The following ABHD6 variants were observed in gnomAD, a reference collection of about 807,000 sequenced individuals.
ABHD6 encodes monoacylglycerol lipase ABHD6.
Under a neutral mutation model 38.8 loss-of-function variants are expected in ABHD6, and 33 were observed. The observed-to-expected ratio is 0.85, with a 90% confidence interval of 0.64 to 1.14. The LOEUF is 1.14. ABHD6 is among the 50% of genes most tolerant of loss of function. The probability of loss-of-function intolerance (pLI) is 0.00; values close to 1 mark genes in which losing one functional copy is unlikely to be tolerated. For missense variants in ABHD6, 380 were observed against 422.6 expected, an observed-to-expected ratio of 0.90 and a Z score of 0.88; for synonymous variants, 147 against 161.6, an observed-to-expected ratio of 0.91 and a Z score of 0.69.
intron 9 of ABHD6, among the ~76,000 whole-genome samples, chr3:58,290,744 C>T (rs1158173343): frequency 1.3e-5 from 2 of 149,302 alleles, no homozygotes; most frequent in African/African-American, 5.0e-5. Context: ...CCAGACGGGC[C>T]GGCGGGGCAA....
chr3:58,281,471 G>A (rs2097453177), intron 7 of ABHD6, among the ~76,000 whole-genome samples: 1 of 152,192 alleles, frequency 6.6e-6, no homozygotes, highest in Non-Finnish European at 1.5e-5. Context: ...ATTTGGGCAG[G>A]AGTGTCCCAG....
rs1327222091 is a variant in ABHD6, at chr3:58,293,223, T to C, written c.838-366T>C. Among the ~76,000 whole-genome samples, 1 of 152,152 alleles carries C rather than the reference T, an allele frequency of 6.6e-6. No individual in the cohort carries two copies. The highest frequency in any genetic ancestry group is 1.5e-5 in the Non-Finnish European group (1 of 68,028). On this transcript the variant is annotated intron_variant, in intron 9 of 9. Coordinates refer to ENST00000478253, the MANE Select transcript of ABHD6 (RefSeq NM_001320126.2). The surrounding 1 kb of genome is among the most constrained non-coding windows in gnomAD (Gnocchi z 4.4). Reference sequence around the variant, plus strand: ...CCCACATCCGTGAATGCTCCTCCCCTGTCCCCTTTCTGCTCTCCCGGGACT... The same window carrying C: ...CCCACATCCGTGAATGCTCCTCCCCCGTCCCCTTTCTGCTCTCCCGGGACT...
rs1480391523 is a variant in ABHD6 at position 58,256,102 on chromosome 3, CACACACAT to C, written c.-25-452_-25-445del. On this transcript the variant is annotated intron_variant, in intron 2 of 9. Transcript: ENST00000478253. The surrounding 1 kb of genome is among the most constrained non-coding windows in gnomAD (Gnocchi z 4.3). ...ACACACACACACACACACACACACACACACACATACACACACTACTTTTTCTCTCCTGA... is the reference window on the plus strand; with the variant it reads ...ACACACACACACACACACACACACACACACACACTACTTTTTCTCTCCTGA... Among the ~76,000 whole-genome samples, 43 of 104,262 alleles carry C rather than the reference CACACACAT, an allele frequency of 4.1e-4. No individual in the cohort carries two copies. The East Asian group carries it at 6.0e-3, about 14-fold the overall frequency. 68.4% of individuals were successfully genotyped at this position (104,262 alleles called of 152,430 possible). A position where few individuals can be genotyped will look rare whatever the true frequency, so the allele number is the denominator to read the frequency against.
chr3:58,287,059 T>C lies in ABHD6; in HGVS notation c.837+1606T>C, dbSNP rs2097457990. On this transcript the variant is annotated intron_variant, in intron 9 of 9. Coordinates refer to ENST00000478253, the MANE Select transcript of ABHD6 (RefSeq NM_001320126.2). This position sits in a 1 kb window ranked among gnomAD's most constrained non-coding sequence, Gnocchi z 4.7. ...TGGGAGGCTAAGGCAGGAGGATTGC[T>C]TGAGCCCAGGAGTTTGAGACCAACC... Among the ~76,000 whole-genome samples the C allele has an allele frequency of 6.6e-6, 1 of 150,978 alleles. No individual in the cohort carries two copies. The highest frequency in any genetic ancestry group is 1.5e-5 in the Non-Finnish European group (1 of 67,730).
At position 58,265,766 on chromosome 3, in the gene ABHD6, C is replaced by G. The variant is rs1318185029; in HGVS notation, c.120-1423C>G. On this transcript the variant is annotated intron_variant, in intron 3 of 9. Transcript: ENST00000478253. The surrounding 1 kb of genome is among the most constrained non-coding windows in gnomAD (Gnocchi z 4.2). ...GCACCAATATCTGGCAAGGGCCTTC[C>G]TGCTGTGTCATCCCGTGGTGGAAGG... is the stretch of plus-strand genomic sequence containing the variant. 2.0e-5 allele frequency among the ~76,000 whole-genome samples: 3 copies of G among 152,174 alleles called. No individual in the cohort carries two copies. The highest frequency in any genetic ancestry group is 7.2e-5 in the African/African-American group (3 of 41,438).
intron 7 of ABHD6, among the ~76,000 whole-genome samples, chr3:58,283,032 T>C (rs1375477930): frequency 6.6e-6 from 1 of 152,142 alleles, no homozygotes; most frequent in Non-Finnish European, 1.5e-5. Flanking sequence ...CCCCAAATTA[T>C]CTCCCTCTGT....
At chr3:58,241,247 C>T (rs1018328687) in intron 1 of ABHD6, among the ~76,000 whole-genome samples, 1 of 152,178 alleles carries the variant, frequency 6.6e-6, no homozygotes, top group Admixed American at 6.5e-5. Flanking sequence ...TCTGACCTTG[C>T]ATGTAGTTGC....
At chr3:58,248,406 A>G (rs1370321362) in intron 1 of ABHD6, among the ~76,000 whole-genome samples, 1 of 152,206 alleles carries the variant, frequency 6.6e-6, no homozygotes, top group African/African-American at 2.4e-5. Flanking sequence ...TTCCTAGAAG[A>G]AAAGATCATA....
intron 2 of ABHD6, among the ~76,000 whole-genome samples, chr3:58,252,109 G>C (rs1215846021): frequency 6.6e-6 from 1 of 152,108 alleles, no homozygotes; most frequent in Non-Finnish European, 1.5e-5. Context: ...GGTGCCCCCA[G>C]CCTGGTGCCA....
intron 2 of ABHD6, among the ~76,000 whole-genome samples, chr3:58,250,761 T>C (rs2097429365): frequency 6.6e-6 from 1 of 152,204 alleles, no homozygotes; most frequent in South Asian, 2.1e-4. Context: ...CTGTCTAATA[T>C]GGTAGTTCTT....
At chr3:58,276,138 G>A (rs2097448541) in intron 7 of ABHD6, among the ~76,000 whole-genome samples, 1 of 152,144 alleles carries the variant, frequency 6.6e-6, no homozygotes, top group Non-Finnish European at 1.5e-5. Context: ...CCTAGTAATG[G>A]GATTGCTGGG....
chr3:58,239,330 A>G (rs2097421245), intron 1 of ABHD6, among the ~76,000 whole-genome samples: 1 of 152,136 alleles, frequency 6.6e-6, no homozygotes, highest in Non-Finnish European at 1.5e-5. Flanking sequence ...ATTTAGATAA[A>G]ATAATGCACA....
rs1309936573 is a variant in ABHD6, at chr3:58,274,773, G to A, written c.639G>A (p.Met213Ile). 6 of 1,614,230 alleles carry A rather than the reference G, an allele frequency of 3.7e-6. No homozygotes were observed. Among genetic ancestry groups the A allele is most frequent in the South Asian group, 1.1e-5 (1 of 91,082 alleles). Residue 213 changes from methionine to isoleucine, a missense_variant, in exon 7 of 10, where the codon ATG (methionine) becomes ATA (isoleucine). Coordinates refer to ENST00000478253, the MANE Select transcript of ABHD6 (RefSeq NM_001320126.2). ...CTACCCCAGAAGAGATGAGTGAAAT[G>A]CTTCAGCTCTGCTCCTATGTCCGCT... is the stretch of plus-strand genomic sequence containing the variant. ...IPSTPEEMSE[M>I]LQLCSYVRFK...
intron 1 of ABHD6, among the ~76,000 whole-genome samples, chr3:58,239,620 GT>G (rs1042466013): frequency 6.6e-6 from 1 of 152,022 alleles, no homozygotes; most frequent in Non-Finnish European, 1.5e-5. Flanking sequence ...TGCCCTTCTG[GT>G]TTTTTTAGCT....
chr3:58,281,010 G>A (rs974445971), intron 7 of ABHD6, among the ~76,000 whole-genome samples: 9 of 152,170 alleles, frequency 5.9e-5, no homozygotes, highest in African/African-American at 2.2e-4. Flanking sequence ...GTGTCAATCA[G>A]CCCCTACTGG....
At chr3:58,239,665 C>T (rs2097421473) in intron 1 of ABHD6, among the ~76,000 whole-genome samples, 1 of 152,074 alleles carries the variant, frequency 6.6e-6, no homozygotes, top group Non-Finnish European at 1.5e-5. Flanking sequence ...CTGTGAGCAT[C>T]TGCAAACCTA....
chr3:58,271,015 T>G lies in ABHD6; in HGVS notation c.474T>G (p.Ala158=), dbSNP rs755858197. The G allele has an allele frequency of 6.2e-7, 1 of 1,612,640 alleles. No individual in the cohort carries two copies. Among genetic ancestry groups the G allele is most frequent in the Non-Finnish European group, 8.5e-7 (1 of 1,179,648 alleles). The change falls in exon 6 of 10, where the codon GCT becomes GCG. Residue 158 remains alanine (A), a synonymous_variant. Coordinates refer to ENST00000478253, the MANE Select transcript of ABHD6 (RefSeq NM_001320126.2). ...GTGGCCAGGTGGCTGGGGTGTATGC[T>G]GCTTACTACCCATCGGATGTCTCCA... ...SMGGQVAGVY[A]AYYPSDVSSL... is the part of the protein sequence containing the mutation.
At chr3:58,276,052 T>C (rs1210083563) in intron 7 of ABHD6, among the ~76,000 whole-genome samples, 1 of 152,204 alleles carries the variant, frequency 6.6e-6, no homozygotes, top group Non-Finnish European at 1.5e-5. Context: ...TCTTTGCTGC[T>C]GTGAATAGTG....
At chr3:58,252,610 C>G (rs1386691025) in intron 2 of ABHD6, among the ~76,000 whole-genome samples, 1 of 152,212 alleles carries the variant, frequency 6.6e-6, no homozygotes, top group Non-Finnish European at 1.5e-5. Flanking sequence ...ATGTTGTTAT[C>G]TAATGCTGTG....
Sources: allele counts gnomAD v4.1 joint callset (sites outside exome capture counted in the v4.1 genomes callset), GRCh38; gene constraint gnomAD v4.1.1; non-coding constraint Gnocchi (gnomAD v3.1); transcripts MANE v1.5; gene names NCBI Gene and HGNC (gene_info 2026-07-23, HGNC 2026-07-21).